Variants in GALNT13 observed in about 807,000 individuals in gnomAD.
The protein encoded by GALNT13 is polypeptide N-acetylgalactosaminyltransferase 13.
GALNT13 carries 28 observed loss-of-function variants against 64.2 expected under a neutral mutation model. The observed-to-expected ratio is 0.44, with a 90% CI of 0.32 to 0.60. The LOEUF (loss-of-function observed/expected upper bound fraction) is 0.60, where lower values mean the gene tolerates loss of function less well. GALNT13 is among the 20% of genes least tolerant of loss of function. GALNT13 has a pLI of 0.05. For synonymous variants in GALNT13, 214 were observed against 224.6 expected (o/e 0.95, Z 0.42); for missense variants, 577 against 669.8 (o/e 0.86, Z 1.53).
the GALNT13 span, among the ~76,000 whole-genome samples, chr2:153,309,824 C>T: frequency 1.3e-5 from 2 of 152,066 alleles, no homozygotes; most frequent in East Asian, 3.8e-4. Flanking sequence ...AATACCTAGG[C>T]AGTAAAACAG....
At chr2:153,537,687 C>A in the GALNT13 span, among the ~76,000 whole-genome samples, 6 of 152,042 alleles carry the variant, frequency 3.9e-5, no homozygotes, top group African/African-American at 1.4e-4. Context: ...GGCAGCTCCC[C>A]CATGCTGTTC....
intron 4 of GALNT13, among the ~76,000 whole-genome samples, chr2:154,154,182 T>C (rs1376881311): frequency 2.6e-5 from 4 of 152,166 alleles, no homozygotes; most frequent in African/African-American, 9.7e-5. Flanking sequence ...CAGCAAAAAT[T>C]AGAGTTCACA....
intron 3 of GALNT13, among the ~76,000 whole-genome samples, chr2:154,003,358 G>A (rs1312839879): frequency 6.6e-6 from 1 of 152,156 alleles, no homozygotes; most frequent in Non-Finnish European, 1.5e-5. Context: ...AATTCTCTGA[G>A]AGTGGTGTTA....
In GALNT13 at chr2:153,944,610, A is replaced by G; in HGVS notation, c.113A>G (p.Lys38Arg). The change falls in exon 3 of 13, where the codon AAG becomes AGG. Residue 38 changes from lysine to arginine, a missense_variant. Physicochemically the swap from Lys to Arg is conservative, Grantham distance 26. This residue lies in a region of GALNT13 where 341 missense variants were observed against 379.3 expected (regional missense o/e 0.90). Coordinates refer to ENST00000392825, the MANE Select transcript of GALNT13 (RefSeq NM_052917.4). The stretch of plus-strand genomic sequence containing the variant: ...GAATGTAACAAATGTGATGACAAGA[A>G]GGAGAGATCTCTGCTGCCTGCATTG... ...FSECNKCDDKKERSLLPALRA... is the reference protein window; with the variant it reads ...FSECNKCDDKRERSLLPALRA... 6.2e-7 allele frequency: 1 copy of G among 1,613,492 alleles called. No homozygotes were observed.
chr2:154,365,186 T>C lies in GALNT13; in HGVS notation c.1157-30805T>C, dbSNP rs188431213. Among the ~76,000 whole-genome samples, 424 of 152,338 alleles carry C rather than the reference T, an allele frequency of 2.8e-3. 6 individuals carry two copies. The highest frequency in any genetic ancestry group is 0.025 in the Admixed American group (389 of 15,302). ...TTCATAGAGGCTTTATTTATCCATTTATCCTATTCACTGAACACCTTTACC... is the reference window on the plus strand; with the variant it reads ...TTCATAGAGGCTTTATTTATCCATTCATCCTATTCACTGAACACCTTTACC... On this transcript the variant is annotated intron_variant, in intron 9 of 12. Transcript: ENST00000392825.
the GALNT13 span, among the ~76,000 whole-genome samples, chr2:153,169,274 TAG>T: frequency 2.0e-5 from 3 of 152,292 alleles, no homozygotes; most frequent in Middle Eastern, 3.4e-3. Flanking sequence ...GGAAAACTGG[TAG>T]AGTGTCAAAA....
chr2:153,945,737 A>G (rs1691686912), intron 3 of GALNT13, among the ~76,000 whole-genome samples: 1 of 152,134 alleles, frequency 6.6e-6, no homozygotes, highest in Non-Finnish European at 1.5e-5. Flanking sequence ...TTCAAAGAGT[A>G]CTTTAGACAT....
At chr2:154,121,759 C>T (rs1235426349) in intron 3 of GALNT13, among the ~76,000 whole-genome samples, 1 of 151,624 alleles carries the variant, frequency 6.6e-6, no homozygotes, top group Non-Finnish European at 1.5e-5. Context: ...ATTGTAGATA[C>T]ATTGTGATTT....
chr2:153,751,145 A>G, the GALNT13 span, among the ~76,000 whole-genome samples: 1 of 151,810 alleles, frequency 6.6e-6, no homozygotes, highest in African/African-American at 2.4e-5. Context: ...ATTAATTGCT[A>G]GTTTTATTCC....
rs181038730 is a variant in GALNT13 at position 154,174,199 on chromosome 2, T to C, written c.311+33694T>C. Among the ~76,000 whole-genome samples the C allele has an allele frequency of 4.6e-5, 7 of 152,324 alleles. No individual in the cohort carries two copies. The East Asian group carries it at 1.3e-3, about 29-fold the overall frequency. ...ACGCAGTCTCAACCCCTTCACTGAT[T>C]GGCTGGATGGTCTAAGTGGATTTAG... On this transcript the variant is annotated intron_variant, in intron 4 of 12. Transcript: ENST00000392825.
intron 8 of GALNT13, among the ~76,000 whole-genome samples, chr2:154,279,389 A>G (rs957482585): frequency 1.3e-5 from 2 of 152,160 alleles, no homozygotes; most frequent in African/African-American, 2.4e-5. Flanking sequence ...TATTTGAGAC[A>G]TTTCGAGGTA....
At chr2:153,200,044 A>T in the GALNT13 span, among the ~76,000 whole-genome samples, 4 of 152,188 alleles carry the variant, frequency 2.6e-5, no homozygotes, top group African/African-American at 4.8e-5. Context: ...CACAAAAAAC[A>T]TATTTTCCTG....
At chr2:154,273,030 G>C (rs1691440262) in intron 8 of GALNT13, among the ~76,000 whole-genome samples, 1 of 152,126 alleles carries the variant, frequency 6.6e-6, no homozygotes, top group Non-Finnish European at 1.5e-5. Flanking sequence ...TAAAATGTTT[G>C]TCAGTTCTTG....
chr2:154,152,202 C>T (rs1684078917), intron 4 of GALNT13, among the ~76,000 whole-genome samples: 1 of 152,126 alleles, frequency 6.6e-6, no homozygotes, highest in African/African-American at 2.4e-5. Context: ...CTTAGTTTGG[C>T]TGGATATGAA....
intron 9 of GALNT13, among the ~76,000 whole-genome samples, chr2:154,336,944 A>G (rs1695476164): frequency 6.6e-6 from 1 of 152,120 alleles, no homozygotes; most frequent in African/African-American, 2.4e-5. Context: ...TTTGAATAAT[A>G]TCTAAGCAGA....
chr2:154,212,313 C>T (rs1267366029), intron 4 of GALNT13, among the ~76,000 whole-genome samples: 1 of 151,900 alleles, frequency 6.6e-6, no homozygotes, highest in East Asian at 1.9e-4. Flanking sequence ...GGCGAAATCT[C>T]GGCTCACTTC....
chr2:153,142,834 C>T, the GALNT13 span, among the ~76,000 whole-genome samples: 7 of 151,890 alleles, frequency 4.6e-5, no homozygotes, highest in East Asian at 5.9e-4. Context: ...AAGCAGAAAA[C>T]GGTAGGTGGG....
the GALNT13 span, among the ~76,000 whole-genome samples, chr2:153,726,947 A>AT: frequency 6.7e-6 from 1 of 148,400 alleles, no homozygotes; most frequent in Non-Finnish European, 1.5e-5. Context: ...CTCAAAAAAA[A>AT]AAAAAAAAAC....
the GALNT13 span, among the ~76,000 whole-genome samples, chr2:153,195,750 C>A: frequency 6.6e-6 from 1 of 152,192 alleles, no homozygotes; most frequent in African/African-American, 2.4e-5. Context: ...CACCATTCAG[C>A]GGGTCCCGAG....
Sources: gnomAD v4.1 joint callset for allele counts (sites outside exome capture counted in the v4.1 genomes callset) on GRCh38, gnomAD v4.1.1 for gene constraint, gnomAD v4.1.1 regional missense constraint, MANE v1.5 for transcripts, NCBI Gene and HGNC (gene_info 2026-07-23, HGNC 2026-07-21) for gene names.